The following PDE8A variants were observed in gnomAD, a reference collection of about 807,000 sequenced individuals.
PDE8A encodes the protein high affinity cAMP-specific and IBMX-insensitive 3',5'-cyclic phosphodiesterase 8A.
In PDE8A, 59 loss-of-function variants were observed where a neutral mutation model predicts 105.0. That is an observed-to-expected ratio of 0.56 (90% CI 0.46 to 0.70). The LOEUF (loss-of-function observed/expected upper bound fraction) is 0.70. Ranked by LOEUF, PDE8A falls within the 30% of genes least tolerant of loss-of-function variation. The pLI is 0.00. For synonymous variants in PDE8A, 355 were observed against 371.9 expected (o/e 0.95, Z 0.52); for missense variants, 1,014 against 1,045.9 (o/e 0.97, Z 0.42).
In PDE8A at chr15:85,134,572, T is replaced by C. The variant is rs537243852; in HGVS notation, c.2254-1962T>C. On this transcript the variant is annotated intron_variant, in intron 20 of 21. Coordinates refer to ENST00000394553, the MANE Select transcript of PDE8A (RefSeq NM_002605.3). ...CTCTTACCAAAGCACGTGAATCCCA[T>C]ATGCTGAACCACCAGAACAGCAGGA... is the stretch of plus-strand genomic sequence containing the variant. Among the ~76,000 whole-genome samples the C allele has an allele frequency of 4.6e-5, 7 of 151,902 alleles. No homozygotes were observed. The South Asian group carries it at 8.3e-4, about 18-fold the overall frequency.
At chr15:85,006,665 G>A (rs2080153182) in intron 1 of PDE8A, among the ~76,000 whole-genome samples, 1 of 150,938 alleles carries the variant, frequency 6.6e-6, no homozygotes, top group African/African-American at 2.4e-5. Flanking sequence ...TAAAAGTTAA[G>A]AATGTTAATC....
chr15:85,120,650 G>T, intron 17 of PDE8A, 147 bp from the exon 18 acceptor site: 1 of 596,200 alleles, frequency 1.7e-6, no homozygotes, highest in East Asian at 2.7e-5. Flanking sequence ...GTGGAGATAG[G>T]AAAACTAGAT....
chr15:85,039,617 G>C (rs746950907), intron 1 of PDE8A, among the ~76,000 whole-genome samples: 2 of 152,076 alleles, frequency 1.3e-5, no homozygotes, highest in African/African-American at 4.8e-5. Context: ...TATATCCAAA[G>C]GAATTGAAGT....
At chr15:85,109,370 C>T (rs900256703) in intron 12 of PDE8A, among the ~76,000 whole-genome samples, 8 of 152,176 alleles carry the variant, frequency 5.3e-5, no homozygotes, top group South Asian at 4.1e-4. Flanking sequence ...CCCATATATT[C>T]TATAGTTGCT....
chr15:85,022,965 C>A (rs2080453322), intron 1 of PDE8A, among the ~76,000 whole-genome samples: 1 of 152,088 alleles, frequency 6.6e-6, no homozygotes, highest in Non-Finnish European at 1.5e-5. Context: ...GATTAACGAT[C>A]AAGACAGAGG....
intron 1 of PDE8A, among the ~76,000 whole-genome samples, chr15:85,013,244 A>C (rs574153858): frequency 1.3e-5 from 2 of 152,340 alleles, no homozygotes; most frequent in South Asian, 4.1e-4. Context: ...TAGAGAAATT[A>C]CAAGGTTAAA....
intron 1 of PDE8A, among the ~76,000 whole-genome samples, chr15:85,028,776 T>C (rs1365490381): frequency 7.0e-6 from 1 of 143,752 alleles, no homozygotes; most frequent in African/African-American, 2.5e-5. Context: ...CCCAGCACAA[T>C]GAAGACTTCC....
At chr15:85,051,426 T>G (rs28836780) in intron 1 of PDE8A, among the ~76,000 whole-genome samples, 34,550 of 152,120 alleles carry the variant, frequency 0.23, 4,101 homozygotes, top group East Asian at 0.38. Flanking sequence ...TGCTGTGGGT[T>G]TTGTTCATAC....
chr15:85,004,270 C>G (rs890360535), intron 1 of PDE8A, among the ~76,000 whole-genome samples: 1 of 152,136 alleles, frequency 6.6e-6, no homozygotes, highest in Non-Finnish European at 1.5e-5. Flanking sequence ...ACATCCTTGC[C>G]TCATTTATTG....
In PDE8A at chr15:85,121,028, T is replaced by C. The variant is rs1396612306; in HGVS notation, c.1952+14T>C. The C allele has an allele frequency of 1.3e-6, 2 of 1,507,884 alleles. No individual in the cohort carries two copies. Among genetic ancestry groups the C allele is most frequent in the East Asian group, 2.3e-5 (1 of 44,240 alleles). 93.4% of individuals were successfully genotyped at this position (1,507,884 alleles called of 1,614,324 possible). ...AAACATGGAGAGGTAAGAACAATGATTGGGAAGTGTGTTGATCCCTCTCTT... is the reference window on the plus strand; with the variant it reads ...AAACATGGAGAGGTAAGAACAATGACTGGGAAGTGTGTTGATCCCTCTCTT... On this transcript the variant is annotated intron_variant, in intron 18 of 21. Coordinates refer to ENST00000394553, the MANE Select transcript of PDE8A (RefSeq NM_002605.3).
chr15:85,136,704 A>C, intron 21 of PDE8A, 41 bp downstream of exon 21: 1 of 1,592,326 alleles, frequency 6.3e-7, no homozygotes, highest in Non-Finnish European at 8.6e-7. Context: ...TCCTCTAAAT[A>C]ATGGGGAACC....
intron 3 of PDE8A, among the ~76,000 whole-genome samples, chr15:85,069,236 C>G (rs2081276973): frequency 6.6e-6 from 1 of 152,118 alleles, no homozygotes; most frequent in African/African-American, 2.4e-5. Context: ...AGAATGGGAA[C>G]TGGATTGCTT....
intron 17 of PDE8A, among the ~76,000 whole-genome samples, chr15:85,118,997 G>A (rs1391900659): frequency 6.6e-6 from 1 of 152,114 alleles, no homozygotes; most frequent in Non-Finnish European, 1.5e-5. Flanking sequence ...AAATCAGACT[G>A]TAGGTAAAAT....
At chr15:85,032,863 G>C (rs1178377398) in intron 1 of PDE8A, among the ~76,000 whole-genome samples, 1 of 152,042 alleles carries the variant, frequency 6.6e-6, no homozygotes, top group African/African-American at 2.4e-5. Context: ...TTCCTCTGCA[G>C]CCTTTCTATA....
intron 20 of PDE8A, 38 bp downstream of exon 20, chr15:85,126,412 A>T: frequency 1.4e-6 from 2 of 1,435,336 alleles, no homozygotes; most frequent in Non-Finnish European, 1.9e-6. Context: ...AGAGAGAGAG[A>T]GAGTTAAAAC....
intron 8 of PDE8A, among the ~76,000 whole-genome samples, chr15:85,095,874 A>ATTT (rs202150429): frequency 2.0e-5 from 2 of 99,600 alleles, no homozygotes; most frequent in African/African-American, 9.4e-5. Flanking sequence ...ATATATATAT[A>ATTT]TTTTTTTTAT....
intron 1 of PDE8A, among the ~76,000 whole-genome samples, chr15:85,038,816 TG>T (rs2080752334): frequency 6.6e-6 from 1 of 152,106 alleles, no homozygotes. Flanking sequence ...TTGGATTGGC[TG>T]TTATCAAAAA....
At position 85,115,991 on chromosome 15, in the gene PDE8A, A is replaced by G; in HGVS notation, c.1407A>G (p.Gln469=). Residue 469 remains glutamine (Q), a synonymous_variant, in exon 16 of 22, where the codon CAA becomes CAG. Transcript: ENST00000394553. ...AATTACATCACTTTACAGACACTCA[A>G]ATGGTTTCAAGCAATATAATCACTC... ...NEYVLSTKNT[Q]MVSSNIITPI... The G allele has an allele frequency of 6.2e-7, 1 of 1,613,506 alleles. No homozygotes were observed. Among genetic ancestry groups the G allele is most frequent in the Non-Finnish European group, 8.5e-7 (1 of 1,179,460 alleles).
At position 84,982,226 on chromosome 15, in the gene PDE8A, G is replaced by A; in HGVS notation, c.64G>A (p.Ala22Thr). The A allele has an allele frequency of 2.7e-6, 4 of 1,479,128 alleles. No homozygotes were observed. In the South Asian group the frequency reaches 5.1e-5, roughly 19 times the overall value. The allele number at this position is 1,479,128 out of a possible 1,614,324, so 91.6% of individuals were successfully genotyped here. A position where few individuals can be genotyped will look rare whatever the true frequency, so the allele number is the denominator to read the frequency against. ...GGTGGCCGAGGACGCGCCTAGCCCC[G>A]CGGCACCGCCGCTGTCGTCCGGCGG... ...RLVAEDAPSP[A>T]APPLSSGGPR... The change falls in exon 1 of 22, where the codon GCG becomes ACG. Residue 22 changes from alanine (A) to threonine (T), a missense_variant. Coordinates refer to ENST00000394553, the MANE Select transcript of PDE8A (RefSeq NM_002605.3).
Sources: gnomAD v4.1 joint callset for allele counts (sites outside exome capture counted in the v4.1 genomes callset) on GRCh38, gnomAD v4.1.1 for gene constraint, MANE v1.5 for transcripts, NCBI Gene and HGNC (gene_info 2026-07-23, HGNC 2026-07-21) for gene names.